The following MYCBP2 variants were observed in gnomAD, a reference collection of about 807,000 sequenced individuals.
MYCBP2 encodes E3 ubiquitin-protein ligase MYCBP2.
In MYCBP2, 120 loss-of-function variants were observed where a neutral mutation model predicts 525.3. The observed-to-expected ratio is 0.23, with a 90% CI of 0.20 to 0.27. The LOEUF (loss-of-function observed/expected upper bound fraction) is 0.27, where lower values mean the gene tolerates loss of function less well. Ranked by LOEUF, MYCBP2 falls within the 10% of genes least tolerant of loss-of-function variation. MYCBP2 has a pLI of 1.00. For missense variants in MYCBP2, 4,149 were observed against 5,657.1 expected (o/e 0.73, Z 8.55); for synonymous variants, 1,894 against 1,955.8 (o/e 0.97, Z 0.83).
chr13:77,178,566 G>A (rs1225275995), intron 34 of MYCBP2, among the ~76,000 whole-genome samples: 1 of 152,204 alleles, frequency 6.6e-6, no homozygotes, highest in Non-Finnish European at 1.5e-5. Flanking sequence ...ACTAATTATA[G>A]ACTTTCACTA....
intron 3 of MYCBP2, among the ~76,000 whole-genome samples, chr13:77,284,080 A>G (rs1017090593): frequency 1.3e-5 from 2 of 152,178 alleles, no homozygotes; most frequent in African/African-American, 4.8e-5. Flanking sequence ...CAAAAACAAA[A>G]GCAAAAAGCA....
intron 33 of MYCBP2, 30 bp from the exon 34 acceptor site, chr13:77,180,348 A>G: frequency 6.3e-7 from 1 of 1,594,868 alleles, no homozygotes; most frequent in Non-Finnish European, 8.6e-7. Flanking sequence ...GTTCTAAGGT[A>G]TTGTTTTATT....
intron 80 of MYCBP2, among the ~76,000 whole-genome samples, chr13:77,054,213 A>G (rs947954917): frequency 6.6e-6 from 1 of 152,166 alleles, no homozygotes; most frequent in African/African-American, 2.4e-5. Flanking sequence ...TTAAACACCA[A>G]TGGCCTGTGC....
Position 77,225,488 on chromosome 13 carries a change from C to A in MYCBP2, c.2804G>T (p.Arg935Leu), listed in dbSNP as rs200548331. 2 of 1,613,792 alleles carry A rather than the reference C, an allele frequency of 1.2e-6. No individual in the cohort carries two copies. Among genetic ancestry groups the A allele is most frequent in the Non-Finnish European group, 8.5e-7 (1 of 1,179,808 alleles). The change falls in exon 19 of 83, where the codon CGA (arginine) becomes CTA (leucine). Residue 935 changes from arginine to leucine, a missense_variant. Coordinates refer to ENST00000544440, the MANE Select transcript of MYCBP2 (RefSeq NM_015057.5). Reference sequence around the variant, plus strand: ...GACTGCCCGGAGCTCACAGTCAAATCGCACAGAGCCTGGAGGGTATGTTGT... The same window carrying A: ...GACTGCCCGGAGCTCACAGTCAAATAGCACAGAGCCTGGAGGGTATGTTGT... ...KITTYPPGSV[R>L]FDCELRAVQV...
chr13:77,061,024 T>C (rs1199846982), intron 76 of MYCBP2, 145 bp downstream of exon 76: 11 of 930,834 alleles, frequency 1.2e-5, no homozygotes, highest in African/African-American at 1.7e-5. Context: ...TAGAACACTC[T>C]ATATATTTAG....
chr13:77,175,822 T>A (rs573455386), intron 36 of MYCBP2, among the ~76,000 whole-genome samples: 22 of 151,814 alleles, frequency 1.4e-4, no homozygotes, highest in Non-Finnish European at 2.8e-4. Context: ...CTGGGCATAG[T>A]GGCACGTGGC....
chr13:77,109,536 T>C (rs1272774947), intron 55 of MYCBP2: 1 of 152,274 alleles, frequency 6.6e-6, no homozygotes, highest in African/African-American at 2.4e-5. Flanking sequence ...AGCCTTGTGA[T>C]ATTGTTAATT....
chr13:77,154,188 T>G (rs2056918078), intron 46 of MYCBP2, among the ~76,000 whole-genome samples: 1 of 152,148 alleles, frequency 6.6e-6, no homozygotes, highest in African/African-American at 2.4e-5. Context: ...ATTAATACAT[T>G]AAACATCAGT....
rs2046436240 is a variant in MYCBP2, at chr13:77,097,500, C to T, written c.9654G>A (p.Arg3218=). The T allele has an allele frequency of 2.5e-6, 4 of 1,612,966 alleles. No individual in the cohort carries two copies. The highest frequency in any genetic ancestry group is 1.3e-5 in the African/African-American group (1 of 74,976). The change falls in exon 56 of 83, where the codon AGG becomes AGA. Residue 3218 remains arginine, a synonymous_variant. Coordinates refer to ENST00000544440, the MANE Select transcript of MYCBP2 (RefSeq NM_015057.5). The part of the protein sequence containing the change: ...EKKKKEKAEV[R]PRGNLFGEMA... The stretch of plus-strand genomic sequence containing the variant: ...TCTCTCCAAACAAATTACCCCTGGG[C>T]CTAACTTCTGCCTTTTCTTTTTTCT...
intron 54 of MYCBP2, among the ~76,000 whole-genome samples, chr13:77,124,956 A>C (rs1304230281): frequency 1.3e-5 from 2 of 152,208 alleles, no homozygotes; most frequent in African/African-American, 4.8e-5. Flanking sequence ...CAATCAAATG[A>C]AGTTGCCTGG....
chr13:77,263,570 G>T, intron 10 of MYCBP2, 81 bp downstream of exon 10: 1 of 1,237,442 alleles, frequency 8.1e-7, no homozygotes, highest in Non-Finnish European at 1.1e-6. Flanking sequence ...AGCTGAACTG[G>T]TGAAAACACA....
chr13:77,166,226 A>G, intron 41 of MYCBP2, 103 bp downstream of exon 41: 3 of 881,990 alleles, frequency 3.4e-6, no homozygotes, highest in Non-Finnish European at 5.1e-6. Flanking sequence ...TCTTTAATAA[A>G]TTTCTCTAAA....
intron 17 of MYCBP2, among the ~76,000 whole-genome samples, chr13:77,235,268 A>C (rs1293982933): frequency 6.6e-6 from 1 of 152,120 alleles, no homozygotes; most frequent in East Asian, 1.9e-4. Context: ...TATGTCCTGA[A>C]GTAAGAAAAG....
chr13:77,259,264 C>T (rs1319636926), intron 13 of MYCBP2, among the ~76,000 whole-genome samples: 1 of 143,464 alleles, frequency 7.0e-6, no homozygotes, highest in Admixed American at 6.9e-5. Context: ...GACTCCCTCT[C>T]AAAAAAAAAA....
At chr13:77,227,574 G>T (rs967172474) in intron 18 of MYCBP2, among the ~76,000 whole-genome samples, 1 of 151,136 alleles carries the variant, frequency 6.6e-6, no homozygotes, top group African/African-American at 2.4e-5. Flanking sequence ...GAAATTTTAC[G>T]GCTTTATCTC....
intron 46 of MYCBP2, among the ~76,000 whole-genome samples, chr13:77,155,003 C>A (rs750926019): frequency 3.3e-5 from 5 of 151,878 alleles, no homozygotes; most frequent in Non-Finnish European, 5.9e-5. Context: ...TTAACATATG[C>A]TATTACATAG....
chr13:77,323,092 T>C (rs930238375), intron 1 of MYCBP2, among the ~76,000 whole-genome samples: 3 of 152,326 alleles, frequency 2.0e-5, no homozygotes, highest in African/African-American at 4.8e-5. Context: ...AGCACATACA[T>C]TGATTCATTT....
chr13:77,047,670 C>T (rs113859446), intron 82 of MYCBP2, among the ~76,000 whole-genome samples: 2 of 152,138 alleles, frequency 1.3e-5, no homozygotes, highest in African/African-American at 4.8e-5. Flanking sequence ...GACATGCCCA[C>T]GGCTGCACAG....
At chr13:77,215,356 G>C (rs992090735) in intron 21 of MYCBP2, among the ~76,000 whole-genome samples, 1 of 152,130 alleles carries the variant, frequency 6.6e-6, no homozygotes, top group Non-Finnish European at 1.5e-5. Flanking sequence ...GAGCAGGTGG[G>C]AGGGGAAAGA....
Sources: allele counts gnomAD v4.1 joint callset (sites outside exome capture counted in the v4.1 genomes callset), GRCh38; gene constraint gnomAD v4.1.1; transcripts MANE v1.5; gene names NCBI Gene and HGNC (gene_info 2026-07-23, HGNC 2026-07-21).